The following FANCM variants were observed in gnomAD, a reference collection of about 807,000 sequenced individuals.
The protein encoded by FANCM is Fanconi anemia group M protein.
A neutral mutation model predicts 199.5 loss-of-function variants in FANCM; 140 were observed. That is an observed-to-expected ratio of 0.70 (90% CI 0.61 to 0.81). The LOEUF is 0.81. FANCM is among the 30% of genes least tolerant of loss of function. The pLI, the probability that FANCM is intolerant of heterozygous loss-of-function variation, is 0.00. For missense variants in FANCM, 2,410 were observed against 2,421.4 expected (o/e 1.00, Z 0.10); for synonymous variants, 840 against 836.8 (o/e 1.00, Z -0.07).
intron 9 of FANCM, 90 bp from the exon 10 acceptor site, chr14:45,164,269 C>T: frequency 9.4e-7 from 1 of 1,067,332 alleles, no homozygotes; most frequent in Non-Finnish European, 1.4e-6. Context: ...TCTGATTTTA[C>T]TATTTTTCAG....
chr14:45,164,353 T>C lies in FANCM; in HGVS notation c.1582-6T>C. On this transcript the variant is annotated splice_polypyrimidine_tract_variant and splice_region_variant and intron_variant, in intron 9 of 22. Coordinates refer to ENST00000267430, the MANE Select transcript of FANCM (RefSeq NM_020937.4). ...TGTAGTTATTTTTCAATTGTTTTTA[T>C]TTTAGGTAGTGAAACAGTTTCGTGA... 6.2e-7 allele frequency: 1 copy of C among 1,606,560 alleles called. No homozygotes were observed. The highest frequency in any genetic ancestry group is 8.5e-7 in the Non-Finnish European group (1 of 1,174,518).
In FANCM at chr14:45,176,120, C is replaced by A. The variant is rs768546653; in HGVS notation, c.3366C>A (p.Asp1122Glu). The A allele has an allele frequency of 6.2e-7, 1 of 1,613,892 alleles. No individual in the cohort carries two copies. The highest frequency in any genetic ancestry group is 8.5e-7 in the Non-Finnish European group (1 of 1,179,816). The change falls in exon 14 of 23, where the codon GAC (aspartate) becomes GAA (glutamate). Residue 1122 changes from aspartate (D) to glutamate (E), a missense_variant. Coordinates refer to ENST00000267430, the MANE Select transcript of FANCM (RefSeq NM_020937.4). ...GENNHDVDNS[D>E]LPVLSTDQDE... ...ACAATCATGATGTTGATAACAGTGACCTCCCAGTATTGTCCACTGATCAAG... is the reference window on the plus strand; with the variant it reads ...ACAATCATGATGTTGATAACAGTGAACTCCCAGTATTGTCCACTGATCAAG...
intron 3 of FANCM, among the ~76,000 whole-genome samples, chr14:45,144,070 G>T (rs1471841349): frequency 6.6e-6 from 1 of 151,746 alleles, no homozygotes; most frequent in Non-Finnish European, 1.5e-5. Context: ...TACATAGTAG[G>T]TATATATATT....
intron 11 of FANCM, among the ~76,000 whole-genome samples, chr14:45,170,336 G>A (rs561593838): frequency 7.9e-5 from 12 of 152,314 alleles, no homozygotes; most frequent in African/African-American, 2.6e-4. Flanking sequence ...AGACCAACCT[G>A]GGCAACATAT....
intron 18 of FANCM, among the ~76,000 whole-genome samples, chr14:45,187,192 T>C (rs1889453539): frequency 6.6e-6 from 1 of 151,522 alleles, no homozygotes; most frequent in African/African-American, 2.4e-5. Flanking sequence ...ATGTTTGAAC[T>C]ATGTACAATT....
Position 45,181,686 on chromosome 14 carries a change from G to T in FANCM, c.4367G>T (p.Arg1456Leu), listed in dbSNP as rs749332566. Residue 1456 changes from arginine to leucine, a missense_variant, in exon 16 of 23, where the codon CGC (arginine) becomes CTC (leucine). By Grantham distance (102) the Arg-to-Leu change is moderately radical. Transcript: ENST00000267430. Reference sequence around the variant, plus strand: ...TCTCCACTTCATGCTGTCAAAAAGCGCAGATTTCCTATAAACAGAGTAAGT... The same window carrying T: ...TCTCCACTTCATGCTGTCAAAAAGCTCAGATTTCCTATAAACAGAGTAAGT... ...VDSPLHAVKK[R>L]RFPINRSELS... The T allele has an allele frequency of 1.6e-5, 25 of 1,608,910 alleles. 1 individual carries two copies. The highest frequency in any genetic ancestry group is 3.3e-5 in the South Asian group (3 of 90,908).
chr14:45,179,314 T>G (rs775921813), intron 14 of FANCM, among the ~76,000 whole-genome samples: 3 of 152,154 alleles, frequency 2.0e-5, no homozygotes, highest in South Asian at 2.1e-4. Context: ...TACCCTCAGC[T>G]CACCCTCAGC....
At chr14:45,153,644 T>C (rs1005467826) in intron 5 of FANCM, among the ~76,000 whole-genome samples, 29 of 152,314 alleles carry the variant, frequency 1.9e-4, no homozygotes, top group African/African-American at 6.5e-4. Flanking sequence ...TTTCCTTTAC[T>C]TATTATTTTT....
chr14:45,138,179 G>A (rs897231063), intron 2 of FANCM, among the ~76,000 whole-genome samples: 3 of 152,112 alleles, frequency 2.0e-5, no homozygotes, highest in African/African-American at 7.2e-5. Context: ...GGTAGATAGA[G>A]ATACAGATTT....
At chr14:45,181,365 A>G (rs1889054345) in intron 14 of FANCM, 65 bp from the exon 15 acceptor site, 6 of 846,534 alleles carry the variant, frequency 7.1e-6, no homozygotes, top group Non-Finnish European at 1.2e-5. Context: ...TCAATAAAAT[A>G]GATTGTTATG....
chr14:45,138,976 A>G (rs796199769), intron 2 of FANCM, among the ~76,000 whole-genome samples: 3 of 152,370 alleles, frequency 2.0e-5, no homozygotes, highest in African/African-American at 4.8e-5. Context: ...TACATGTGCC[A>G]TATAACAACA....
rs1355830430 is a variant in FANCM at position 45,188,746 on chromosome 14, A to G, written c.4780-56A>G. On this transcript the variant is annotated intron_variant, in intron 19 of 22. Coordinates refer to ENST00000267430, the MANE Select transcript of FANCM (RefSeq NM_020937.4). The stretch of plus-strand genomic sequence containing the variant: ...TTTCATGTGCCTAGAAGTATATTTT[A>G]AATACCTGTTAATTGTCTGAAATAA... The G allele has an allele frequency of 6.9e-6, 9 of 1,299,058 alleles. No homozygotes were observed. In the East Asian group the frequency reaches 2.1e-4, roughly 30 times the overall value. The allele number at this position is 1,299,058 out of a possible 1,614,324, so 80.5% of individuals were successfully genotyped here.
At chr14:45,169,978 C>T (rs1396983179) in intron 11 of FANCM, among the ~76,000 whole-genome samples, 1 of 152,132 alleles carries the variant, frequency 6.6e-6, no homozygotes, top group Admixed American at 6.5e-5. Flanking sequence ...CCACTCTCAA[C>T]ACCCCCACCA....
chr14:45,179,936 A>G (rs183396217), intron 14 of FANCM, among the ~76,000 whole-genome samples: 111 of 152,210 alleles, frequency 7.3e-4, no homozygotes, highest in Middle Eastern at 3.4e-3. Flanking sequence ...GATTTTTCCT[A>G]CTTTTCTTTA....
chr14:45,169,008 A>G (rs972444393), intron 11 of FANCM, among the ~76,000 whole-genome samples: 5 of 151,544 alleles, frequency 3.3e-5, no homozygotes, highest in East Asian at 1.9e-4. Flanking sequence ...TGCAACCTCT[A>G]CCTCCCAGGT....
In FANCM at chr14:45,148,945, A is replaced by G. The variant is rs780426259; in HGVS notation, c.868A>G (p.Ile290Val). Residue 290 changes from isoleucine (I) to valine (V), a missense_variant, in exon 4 of 23, where the codon ATT (isoleucine) becomes GTT (valine). Transcript: ENST00000267430. The stretch of plus-strand genomic sequence containing the variant: ...TCATGAAAGAAAAGTTGAAAAGCTT[A>G]TTGTTCCGCTTGGTGAAGAACTTGC... ...YSHERKVEKL[I>V]VPLGEELAAI... is the part of the protein sequence containing the mutation. The G allele has an allele frequency of 1.3e-5, 21 of 1,613,760 alleles. No individual in the cohort carries two copies. Among genetic ancestry groups the G allele is most frequent in the South Asian group, 1.2e-4 (11 of 91,078 alleles).
chr14:45,167,436 A>G (rs1163836994), intron 11 of FANCM: 3 of 398,884 alleles, frequency 7.5e-6, no homozygotes, highest in Non-Finnish European at 1.4e-5. Flanking sequence ...AAGAAAGAAA[A>G]CAGTTTTATT....
Position 45,196,534 on chromosome 14 carries a change from CAG to C in FANCM, c.5707_5708del (p.Glu1903LysfsTer10). The C allele has an allele frequency of 6.2e-7, 1 of 1,613,444 alleles. No homozygotes were observed. Among genetic ancestry groups the C allele is most frequent in the Non-Finnish European group, 8.5e-7 (1 of 1,179,878 alleles). On this transcript the variant is annotated frameshift_variant, in exon 21 of 23. Transcript: ENST00000267430. LOFTEE classifies it high-confidence loss of function. ...GAATATGTGTGATTGTGGAAAAGGACAGAGAAAAAACAGGTTTGTATTTTTAA... is the reference window on the plus strand; with the variant it reads ...GAATATGTGTGATTGTGGAAAAGGACAGAAAAAACAGGTTTGTATTTTTAA... ...ERICVIVEKD[R>X]EKTGDTSRMF...
intron 3 of FANCM, 57 bp downstream of exon 3, chr14:45,140,766 T>C: frequency 9.4e-7 from 1 of 1,062,616 alleles, no homozygotes; most frequent in Non-Finnish European, 1.5e-6. Flanking sequence ...TTTGGCCAGG[T>C]GCAGTGAGTC....
Sources: allele counts gnomAD v4.1 joint callset (sites outside exome capture counted in the v4.1 genomes callset), GRCh38; gene constraint gnomAD v4.1.1; transcripts MANE v1.5; gene names NCBI Gene and HGNC (gene_info 2026-07-23, HGNC 2026-07-21).